WWP2: variants seen among roughly 807,000 people sequenced by gnomAD.
The protein encoded by WWP2 is WW domain containing E3 ubiquitin protein ligase 2, also known as NEDD4-like E3 ubiquitin-protein ligase WWP2.
WWP2 carries 57 observed loss-of-function variants against 121.0 expected under a neutral mutation model. The ratio of observed to expected loss-of-function variants is 0.47; its 90% CI spans 0.38 to 0.59. WWP2 has a LOEUF of 0.59. Among genes scored for constraint, WWP2 ranks in the 20% least tolerant of loss-of-function variants. The pLI is 0.00. For missense variants in WWP2, 962 were observed against 1,158.9 expected, an observed-to-expected ratio of 0.83 and a Z score of 2.47; for synonymous variants, 449 against 441.3, an observed-to-expected ratio of 1.02 and a Z score of -0.22.
Position 69,871,938 on chromosome 16 carries a change from G to A in WWP2, c.703+7G>A. On this transcript the variant is annotated splice_region_variant and intron_variant, in intron 7 of 23. Transcript: ENST00000359154. ...GGCTTGGCCAATGGCACAGGTGAGT[G>A]ATGGCACCGCACGCCAGCCTGCACT... The A allele has an allele frequency of 3.7e-6, 6 of 1,612,430 alleles. No individual in the cohort carries two copies. Among genetic ancestry groups the A allele is most frequent in the Non-Finnish European group, 5.1e-6 (6 of 1,179,288 alleles).
At chr16:69,811,490 T>A (rs2056391823) in intron 4 of WWP2, among the ~76,000 whole-genome samples, 1 of 152,084 alleles carries the variant, frequency 6.6e-6, no homozygotes, top group South Asian at 2.1e-4. Context: ...TGGTGGCTTA[T>A]ACCTCCCCAC....
rs569177613 is a variant in WWP2 at position 69,911,475 on chromosome 16, G to A, written c.1004+2625G>A. On this transcript the variant is annotated intron_variant, in intron 9 of 23. Transcript: ENST00000359154. ...TATGGGAAGGGAAAGGATGTGTTTG[G>A]GGAAGGATGCATGGGGTGGTTATGC... is the stretch of plus-strand genomic sequence containing the variant. Among the ~76,000 whole-genome samples the A allele has an allele frequency of 4.6e-4, 70 of 152,262 alleles. 1 individual carries two copies. Among genetic ancestry groups the A allele is most frequent in the Admixed American group, 1.6e-3 (24 of 15,290 alleles).
chr16:69,895,335 C>T (rs893271775), intron 8 of WWP2, among the ~76,000 whole-genome samples: 3 of 152,234 alleles, frequency 2.0e-5, no homozygotes, highest in Non-Finnish European at 4.4e-5. Context: ...TGTGAGAAAA[C>T]AGTCCTTTTT....
At chr16:69,796,338 T>C (rs773652220) in intron 2 of WWP2, among the ~76,000 whole-genome samples, 2 of 152,180 alleles carry the variant, frequency 1.3e-5, no homozygotes, top group Non-Finnish European at 2.9e-5. Flanking sequence ...TGAAAATGCA[T>C]CTGATACTCC....
At chr16:69,861,332 A>G (rs1047574113) in intron 6 of WWP2, among the ~76,000 whole-genome samples, 1 of 152,188 alleles carries the variant, frequency 6.6e-6, no homozygotes, top group Non-Finnish European at 1.5e-5. Context: ...AGTAGATTGG[A>G]CAAGTCACCA....
chr16:69,901,476 G>A (rs1398338719), intron 8 of WWP2, among the ~76,000 whole-genome samples: 1 of 152,050 alleles, frequency 6.6e-6, no homozygotes, highest in Admixed American at 6.5e-5. Flanking sequence ...GCAGTGGCGC[G>A]ATCTCAGCTC....
intron 4 of WWP2, among the ~76,000 whole-genome samples, chr16:69,812,477 C>CCCTTTT (rs1567679792): frequency 2.5e-5 from 3 of 119,896 alleles, no homozygotes; most frequent in African/African-American, 9.9e-5. Flanking sequence ...AACCCCCCCC[C>CCCTTTT]TTTTTTTTTT....
At chr16:69,902,020 CT>C (rs1021760739) in intron 8 of WWP2, among the ~76,000 whole-genome samples, 2 of 152,186 alleles carry the variant, frequency 1.3e-5, no homozygotes, top group African/African-American at 4.8e-5. Context: ...GCTTTAATCC[CT>C]TTTAGCTTAA....
intron 6 of WWP2, among the ~76,000 whole-genome samples, chr16:69,847,726 C>T (rs1160789101): frequency 2.0e-5 from 3 of 151,988 alleles, no homozygotes; most frequent in Admixed American, 6.6e-5. Flanking sequence ...TTTAATAACC[C>T]ATTCTTGCAG....
intron 19 of WWP2, 47 bp downstream of exon 19, chr16:69,936,499 T>A (rs1377075725): frequency 6.2e-7 from 1 of 1,608,686 alleles, no homozygotes; most frequent in Non-Finnish European, 8.5e-7. Context: ...GGCGTGGAGA[T>A]CTAGTGGGTT....
At position 69,871,939 on chromosome 16, in the gene WWP2, A is replaced by C. The variant is rs749559509; in HGVS notation, c.703+8A>C. On this transcript the variant is annotated splice_region_variant and intron_variant, in intron 7 of 23. Coordinates refer to ENST00000359154, the MANE Select transcript of WWP2 (RefSeq NM_001270454.2). ...GCTTGGCCAATGGCACAGGTGAGTG[A>C]TGGCACCGCACGCCAGCCTGCACTG... The C allele has an allele frequency of 2.5e-6, 4 of 1,612,104 alleles. No homozygotes were observed. The highest frequency in any genetic ancestry group is 3.4e-6 in the Non-Finnish European group (4 of 1,179,118).
At chr16:69,850,038 C>T (rs1306459047) in intron 6 of WWP2, among the ~76,000 whole-genome samples, 1 of 152,140 alleles carries the variant, frequency 6.6e-6, no homozygotes, top group Non-Finnish European at 1.5e-5. Flanking sequence ...CCGTTGAAGG[C>T]AATATTCACT....
rs1166811815 is a variant in WWP2, at chr16:69,857,655, C to CTTTT, written c.576-14128_576-14125dup. ...TTCAAATGGCCTTTGAAGGTCAACTCTTTTTTTTTTTTTTTTTTTTTTTTG... is the reference window on the plus strand; with the variant it reads ...TTCAAATGGCCTTTGAAGGTCAACTCTTTTTTTTTTTTTTTTTTTTTTTTTTTTG... On this transcript the variant is annotated intron_variant, in intron 6 of 23. Coordinates refer to ENST00000359154, the MANE Select transcript of WWP2 (RefSeq NM_001270454.2). 6.3e-3 allele frequency among the ~76,000 whole-genome samples: 452 copies of CTTTT among 71,930 alleles called. 18 individuals carry two copies. The highest frequency in any genetic ancestry group is 0.024 in the African/African-American group (405 of 17,102). 47.2% of individuals were successfully genotyped at this position (71,930 alleles called of 152,430 possible).
intron 16 of WWP2, 141 bp from the exon 17 acceptor site, chr16:69,933,829 G>A (rs8047818): frequency 0.75 from 678,630 of 906,152 alleles, 256,067 homozygotes; most frequent in East Asian, 0.96. Flanking sequence ...AGGTTAGCCC[G>A]GGTGCTTGTC....
intron 4 of WWP2, among the ~76,000 whole-genome samples, chr16:69,835,580 A>AT (rs1266960787): frequency 6.6e-6 from 1 of 151,968 alleles, no homozygotes; most frequent in Non-Finnish European, 1.5e-5. Flanking sequence ...TCTTGTTAAC[A>AT]TTTTTTTGCC....
intron 4 of WWP2, among the ~76,000 whole-genome samples, chr16:69,815,335 A>G (rs2056468742): frequency 6.6e-6 from 1 of 152,040 alleles, no homozygotes; most frequent in Non-Finnish European, 1.5e-5. Context: ...AGAGGCAAGG[A>G]CCTACTCTGT....
chr16:69,887,937 C>A, intron 7 of WWP2, 102 bp from the exon 8 acceptor site: 3 of 1,399,584 alleles, frequency 2.1e-6, no homozygotes, highest in Non-Finnish European at 3.0e-6. Flanking sequence ...TGTAGTGTAA[C>A]ATTGTAGATA....
chr16:69,931,836 G>A lies in WWP2; in HGVS notation c.1628G>A (p.Arg543Gln), dbSNP rs765616095. ...MNMKPYDLRR[R>Q]LYIIMRGEEG... ...ATGAAACCCTATGACCTGCGCCGCC[G>A]GCTCTACATCATCATGCGTGGCGAG... is the stretch of plus-strand genomic sequence containing the variant. The change falls in exon 16 of 24, where the codon CGG becomes CAG. Residue 543 changes from arginine (R) to glutamine (Q), a missense_variant. Physicochemically the swap from Arg to Gln is conservative, Grantham distance 43. Coordinates refer to ENST00000359154, the MANE Select transcript of WWP2 (RefSeq NM_001270454.2). 8 of 1,613,594 alleles carry A rather than the reference G, an allele frequency of 5.0e-6. No individual in the cohort carries two copies. The highest frequency in any genetic ancestry group is 2.7e-5 in the African/African-American group (2 of 74,892).
At chr16:69,837,195 G>A (rs1384562750) in intron 4 of WWP2, among the ~76,000 whole-genome samples, 1 of 152,212 alleles carries the variant, frequency 6.6e-6, no homozygotes, top group African/African-American at 2.4e-5. Context: ...AAAGTGCTGG[G>A]ATTACAGGCA....
Sources: allele counts gnomAD v4.1 joint callset (sites outside exome capture counted in the v4.1 genomes callset), GRCh38; gene constraint gnomAD v4.1.1; transcripts MANE v1.5; gene names NCBI Gene and HGNC (gene_info 2026-07-23, HGNC 2026-07-21).